The following STARD9 variants were observed in gnomAD, a reference collection of about 807,000 sequenced individuals.
STARD9 encodes stAR-related lipid transfer protein 9.
Under a neutral mutation model 399.8 loss-of-function variants are expected in STARD9, and 346 were observed. The ratio of observed to expected loss-of-function variants is 0.87; its 90% CI spans 0.79 to 0.95. STARD9 has a LOEUF of 0.95. STARD9 is among the 40% of genes least tolerant of loss of function. The probability of loss-of-function intolerance (pLI) is 0.00; values close to 1 mark genes in which losing one functional copy is unlikely to be tolerated. For synonymous variants in STARD9, 2,203 were observed against 2,143.5 expected, an observed-to-expected ratio of 1.03 and a Z score of -0.77; for missense variants, 5,832 against 5,667.5, an observed-to-expected ratio of 1.03 and a Z score of -0.93.
intron 16 of STARD9, among the ~76,000 whole-genome samples, chr15:42,673,766 C>T (rs1332165261): frequency 6.6e-6 from 1 of 152,172 alleles, no homozygotes. Flanking sequence ...GGGTCTTAAG[C>T]AAATTTGCCA....
intron 1 of STARD9, chr15:42,581,416 T>C (rs1163314792): frequency 4.6e-6 from 7 of 1,522,940 alleles, no homozygotes; most frequent in African/African-American, 4.1e-5. Context: ...GCGGCGTCGC[T>C]GATGGCCACG....
In STARD9 at chr15:42,720,489, C is replaced by A. The variant is rs1479980700; in HGVS notation, c.*915C>A. 6.6e-6 allele frequency: 1 copy of A among 152,256 alleles called. No individual in the cohort carries two copies. The highest frequency in any genetic ancestry group is 1.5e-5 in the Non-Finnish European group (1 of 68,090). 9.4% of individuals were successfully genotyped at this position (152,256 alleles called of 1,614,324 possible). On this transcript the variant is annotated 3_prime_UTR_variant, in exon 33 of 33. Coordinates refer to ENST00000290607, the MANE Select transcript of STARD9 (RefSeq NM_020759.3). Reference sequence around the variant, plus strand: ...GGAGGAAGCTCAGTTCCAGAACTTACCTCAGTGCACTTGGGAGGGGTGGAG... The same window carrying A: ...GGAGGAAGCTCAGTTCCAGAACTTAACTCAGTGCACTTGGGAGGGGTGGAG...
intron 1 of STARD9, among the ~76,000 whole-genome samples, chr15:42,582,866 A>C (rs563005706): frequency 6.6e-6 from 1 of 152,112 alleles, no homozygotes; most frequent in Non-Finnish European, 1.5e-5. Context: ...CGCACTCTCT[A>C]GGGTTTCTAA....
intron 1 of STARD9, among the ~76,000 whole-genome samples, chr15:42,581,982 C>A (rs375638874): frequency 2.7e-4 from 41 of 151,938 alleles, no homozygotes; most frequent in South Asian, 1.2e-3. Flanking sequence ...ACAACAACAA[C>A]AAAAAAATTA....
chr15:42,625,618 C>G (rs1322573960), intron 3 of STARD9, among the ~76,000 whole-genome samples: 1 of 150,716 alleles, frequency 6.6e-6, no homozygotes, highest in Non-Finnish European at 1.5e-5. Context: ...GCATGAGCCA[C>G]CATGCCTGGC....
intron 3 of STARD9, among the ~76,000 whole-genome samples, chr15:42,597,296 G>A (rs1343140441): frequency 6.6e-6 from 1 of 152,060 alleles, no homozygotes; most frequent in South Asian, 2.1e-4. Flanking sequence ...GAACTCCTGG[G>A]CTCCACCTTG....
chr15:42,639,468 T>A (rs1282227099), intron 7 of STARD9, among the ~76,000 whole-genome samples: 1 of 152,206 alleles, frequency 6.6e-6, no homozygotes, highest in Non-Finnish European at 1.5e-5. Context: ...TGGTGCTTGG[T>A]ACCATCTGTC....
intron 3 of STARD9, among the ~76,000 whole-genome samples, chr15:42,624,188 T>C (rs1442064135): frequency 6.6e-6 from 1 of 152,230 alleles, no homozygotes; most frequent in Non-Finnish European, 1.5e-5. Context: ...CAGTGGCTTA[T>C]GTAAGGCTTG....
intron 3 of STARD9, among the ~76,000 whole-genome samples, chr15:42,597,769 T>G (rs1052855491): frequency 6.6e-6 from 1 of 152,068 alleles, no homozygotes; most frequent in Non-Finnish European, 1.5e-5. Flanking sequence ...ACTCCTGACC[T>G]CAGGTGATCT....
rs1235005972 is a variant in STARD9, at chr15:42,663,908, AG to A, written c.1168del (p.Val390Ter). On this transcript the variant is annotated frameshift_variant, in exon 13 of 33. Transcript: ENST00000290607. LOFTEE classifies it high-confidence loss of function. ...CCAAAAACATTATCAACAAGCCACG[AG>A]TAAATGAGGTGAGACCTTTTCAGAA... ...SAKNIINKPR[V>X]NEDANLKLIR... 2 of 1,533,938 alleles carry A rather than the reference AG, an allele frequency of 1.3e-6. No homozygotes were observed. Among genetic ancestry groups the A allele is most frequent in the Non-Finnish European group, 1.7e-6 (2 of 1,143,924 alleles).
chr15:42,718,496 C>T lies in STARD9; in HGVS notation c.13824C>T (p.Val4608=). Residue 4608 remains valine, a synonymous_variant, in exon 31 of 33, where the codon GTC becomes GTT. Coordinates refer to ENST00000290607, the MANE Select transcript of STARD9 (RefSeq NM_020759.3). ...AGCAGCCACGGGATTTCTGTTGTGT[C>T]TGCGTGGAAGCCAAAGAGGTGCCTG... ...ALKQPRDFCC[V]CVEAKEGHLS... 1 of 1,537,206 alleles carries T rather than the reference C, an allele frequency of 6.5e-7. No individual in the cohort carries two copies. Among genetic ancestry groups the T allele is most frequent in the Non-Finnish European group, 8.7e-7 (1 of 1,146,870 alleles).
intron 26 of STARD9, among the ~76,000 whole-genome samples, chr15:42,702,908 T>C (rs2060997572): frequency 6.6e-6 from 1 of 152,208 alleles, no homozygotes; most frequent in Non-Finnish European, 1.5e-5. Flanking sequence ...CCAGACCTAT[T>C]GGAGCTCCTT....
At chr15:42,718,297 G>C in intron 30 of STARD9, 118 bp downstream of exon 30, 2 of 1,235,794 alleles carry the variant, frequency 1.6e-6, no homozygotes, top group Non-Finnish European at 2.3e-6. Flanking sequence ...CAGGTACTCA[G>C]GTTACCTTGA....
intron 14 of STARD9, 24 bp downstream of exon 14, chr15:42,665,354 C>A (rs1308546157): frequency 6.6e-7 from 1 of 1,525,412 alleles, no homozygotes; most frequent in African/African-American, 1.4e-5. Context: ...CAGAACCTTT[C>A]CGTACTTAAG....
At chr15:42,664,768 A>G (rs1244995370) in intron 13 of STARD9, among the ~76,000 whole-genome samples, 1 of 150,026 alleles carries the variant, frequency 6.7e-6, no homozygotes. Flanking sequence ...GTATGAATTC[A>G]TTGGTTTTTG....
At chr15:42,716,894 T>G in intron 27 of STARD9, 33 bp from the exon 28 acceptor site, 1 of 1,536,690 alleles carries the variant, frequency 6.5e-7, no homozygotes. Context: ...TGATGTTCAG[T>G]GCTATCACAG....
chr15:42,589,924 G>T lies in STARD9; in HGVS notation c.234+4287G>T, dbSNP rs2058360709. Among the ~76,000 whole-genome samples, 4 of 134,472 alleles carry T rather than the reference G, an allele frequency of 3.0e-5. No homozygotes were observed. In the South Asian group the frequency reaches 1.0e-3, roughly 33 times the overall value. The allele number at this position is 134,472 out of a possible 152,430, so 88.2% of individuals were successfully genotyped here. On this transcript the variant is annotated intron_variant, in intron 3 of 32. Coordinates refer to ENST00000290607, the MANE Select transcript of STARD9 (RefSeq NM_020759.3). ...CTGGCCAAGATTCATCTTTACTGTTGTGTGTGTCACATCTTCTAACCTTGA... is the reference window on the plus strand; with the variant it reads ...CTGGCCAAGATTCATCTTTACTGTTTTGTGTGTCACATCTTCTAACCTTGA...
intron 3 of STARD9, among the ~76,000 whole-genome samples, chr15:42,615,362 C>T (rs1441484334): frequency 6.6e-6 from 1 of 152,036 alleles, no homozygotes; most frequent in Non-Finnish European, 1.5e-5. Flanking sequence ...ATAGTAGAAA[C>T]AAAGTGATTG....
At chr15:42,604,167 C>A (rs1475158281) in intron 3 of STARD9, among the ~76,000 whole-genome samples, 3 of 152,192 alleles carry the variant, frequency 2.0e-5, no homozygotes, top group Admixed American at 6.5e-5. Context: ...GGTCAGATTT[C>A]TTTCACTGCC....
Sources: allele counts gnomAD v4.1 joint callset (sites outside exome capture counted in the v4.1 genomes callset), GRCh38; gene constraint gnomAD v4.1.1; transcripts MANE v1.5; gene names NCBI Gene and HGNC (gene_info 2026-07-23, HGNC 2026-07-21).